Variants in PTPRN2 observed in about 807,000 individuals in gnomAD.
PTPRN2 encodes receptor-type tyrosine-protein phosphatase N2.
In PTPRN2, 74 loss-of-function variants were observed where a neutral mutation model predicts 118.8. The observed-to-expected ratio is 0.62, with a 90% CI of 0.52 to 0.76. PTPRN2 has a LOEUF of 0.76. PTPRN2 is among the 30% of genes least tolerant of loss of function. PTPRN2 has a pLI of 0.00. For synonymous variants in PTPRN2, 641 were observed against 608.0 expected (o/e 1.05, Z -0.80); for missense variants, 1,481 against 1,394.4 (o/e 1.06, Z -0.99).
At position 157,874,223 on chromosome 7, in the gene PTPRN2, G is replaced by C. The variant is rs1365954984; in HGVS notation, c.1788+24450C>G. Among the ~76,000 whole-genome samples, 2 of 152,100 alleles carry C rather than the reference G, an allele frequency of 1.3e-5. No individual in the cohort carries two copies. The highest frequency in any genetic ancestry group is 2.9e-5 in the Non-Finnish European group (2 of 68,008). Reference sequence around the variant, plus strand: ...CCCTCTGTTTCCCCCTCCACAACTGGGCAGGCTGCTCCCTTCACCCCAACA... The same window carrying C: ...CCCTCTGTTTCCCCCTCCACAACTGCGCAGGCTGCTCCCTTCACCCCAACA... On this transcript the variant is annotated intron_variant, in intron 12 of 22. Coordinates refer to ENST00000389418, the MANE Select transcript of PTPRN2 (RefSeq NM_002847.5). The surrounding 1 kb of genome is among the most constrained non-coding windows in gnomAD (Gnocchi z 5.8).
At chr7:158,157,666 C>T (rs1485068044) in intron 6 of PTPRN2, among the ~76,000 whole-genome samples, 2 of 152,222 alleles carry the variant, frequency 1.3e-5, no homozygotes, top group Non-Finnish European at 2.9e-5. Context: ...GGCGCATCCA[C>T]GTCAGGGTTG....
chr7:158,389,118 T>C (rs1586546927), intron 2 of PTPRN2, among the ~76,000 whole-genome samples: 1 of 152,180 alleles, frequency 6.6e-6, no homozygotes, highest in East Asian at 1.9e-4. Flanking sequence ...GAAGAGAAGC[T>C]GAAGGGAAAC....
In PTPRN2 at chr7:157,540,512, C is replaced by G. The variant is rs1348426919; in HGVS notation, c.*202G>C. ...TGAACCGATTCCCCTCCACCCGTAA[C>G]TGGATTTTTCCACAAATCTCTCTTT... On this transcript the variant is annotated 3_prime_UTR_variant, in exon 23 of 23. Coordinates refer to ENST00000389418, the MANE Select transcript of PTPRN2 (RefSeq NM_002847.5). 3 of 431,326 alleles carry G rather than the reference C, an allele frequency of 7.0e-6. No individual in the cohort carries two copies. Among genetic ancestry groups the G allele is most frequent in the African/African-American group, 6.1e-5 (3 of 48,948 alleles). The allele number at this position is 431,326 out of a possible 1,614,324, so 26.7% of individuals were successfully genotyped here.
chr7:158,236,065 C>T (rs1045566872), intron 3 of PTPRN2, among the ~76,000 whole-genome samples: 66 of 152,058 alleles, frequency 4.3e-4, no homozygotes, highest in East Asian at 1.4e-3. Context: ...CCCCCAAGGA[C>T]GACAGTGCAG....
At chr7:158,054,426 G>A (rs749281643) in intron 11 of PTPRN2, among the ~76,000 whole-genome samples, 1 of 152,250 alleles carries the variant, frequency 6.6e-6, no homozygotes, top group African/African-American at 2.4e-5. Flanking sequence ...ATGGGGGACA[G>A]AGCAAGAGAG....
intron 1 of PTPRN2, among the ~76,000 whole-genome samples, chr7:158,551,504 C>T (rs1826650635): frequency 6.7e-6 from 1 of 148,906 alleles, no homozygotes; most frequent in South Asian, 2.2e-4. Flanking sequence ...GGGGCCCCAG[C>T]TCCTAACCCA....
intron 12 of PTPRN2, among the ~76,000 whole-genome samples, chr7:157,822,733 C>A (rs1156393730): frequency 6.6e-6 from 1 of 151,948 alleles, no homozygotes; most frequent in Admixed American, 6.6e-5. Context: ...TATCCATCTA[C>A]CCATCCACAT....
At chr7:157,995,204 A>G (rs1211971883) in intron 11 of PTPRN2, among the ~76,000 whole-genome samples, 5 of 149,914 alleles carry the variant, frequency 3.3e-5, no homozygotes, top group Admixed American at 2.7e-4. Context: ...TCTAAAATCA[A>G]CGCTGTGTCC....
At position 158,315,677 on chromosome 7, in the gene PTPRN2, G is replaced by A. The variant is rs1403865141; in HGVS notation, c.277+1142C>T. On this transcript the variant is annotated intron_variant, in intron 3 of 22. Transcript: ENST00000389418. ...GTGATTACTTATGAATTAATGGGCT[G>A]TGGCCAGTGGTTTGGCTGGAGGGCC... Among the ~76,000 whole-genome samples the A allele has an allele frequency of 4.6e-5, 7 of 152,260 alleles. No homozygotes were observed. The East Asian group carries it at 1.2e-3, about 25-fold the overall frequency.
chr7:158,277,990 C>A (rs890953947), intron 3 of PTPRN2, among the ~76,000 whole-genome samples: 2 of 152,194 alleles, frequency 1.3e-5, no homozygotes, highest in Non-Finnish European at 2.9e-5. Context: ...ACCTCCCTGA[C>A]CTCCAGCACA....
intron 11 of PTPRN2, among the ~76,000 whole-genome samples, chr7:157,981,778 T>C (rs1446777717): frequency 6.6e-6 from 1 of 152,280 alleles, no homozygotes; most frequent in Admixed American, 6.5e-5. Context: ...GCACAAGCTA[T>C]GATGTGAAGG....
At chr7:158,511,875 T>C (rs889499191) in intron 1 of PTPRN2, among the ~76,000 whole-genome samples, 1 of 152,174 alleles carries the variant, frequency 6.6e-6, no homozygotes, top group Non-Finnish European at 1.5e-5. Context: ...AGATCAGTGG[T>C]TGTCAAGGAT....
chr7:158,475,871 T>C (rs1417445014), intron 2 of PTPRN2, among the ~76,000 whole-genome samples: 1 of 152,194 alleles, frequency 6.6e-6, no homozygotes. Flanking sequence ...ATATTAGAAC[T>C]TCATTGTGCA....
At chr7:158,270,127 A>C (rs1798211999) in intron 3 of PTPRN2, among the ~76,000 whole-genome samples, 2 of 152,226 alleles carry the variant, frequency 1.3e-5, no homozygotes, top group African/African-American at 4.8e-5. Flanking sequence ...GAGCTGGACC[A>C]TCAGGAGACC....
chr7:157,945,048 C>G (rs1029920631), intron 11 of PTPRN2, among the ~76,000 whole-genome samples: 1 of 152,172 alleles, frequency 6.6e-6, no homozygotes, highest in Non-Finnish European at 1.5e-5. Flanking sequence ...TTTTCCTGCT[C>G]TCACCGAGTC....
At chr7:158,513,761 CA>C (rs1823343504) in intron 1 of PTPRN2, among the ~76,000 whole-genome samples, 1 of 152,198 alleles carries the variant, frequency 6.6e-6, no homozygotes, top group Non-Finnish European at 1.5e-5. Context: ...ATAGAAAAGG[CA>C]GCCCCGAAAC....
chr7:158,410,682 C>T (rs1321424128), intron 2 of PTPRN2, among the ~76,000 whole-genome samples: 1 of 152,202 alleles, frequency 6.6e-6, no homozygotes, highest in Non-Finnish European at 1.5e-5. Flanking sequence ...AATGTAACTA[C>T]GTGGAAACAG....
At chr7:158,448,429 A>G (rs1003166034) in intron 2 of PTPRN2, among the ~76,000 whole-genome samples, 17 of 152,002 alleles carry the variant, frequency 1.1e-4, no homozygotes, top group African/African-American at 3.6e-4. Flanking sequence ...CACTGCTTTC[A>G]TCAGGCCAGA....
chr7:157,679,701 C>T (rs979279885), intron 13 of PTPRN2, among the ~76,000 whole-genome samples: 4 of 151,266 alleles, frequency 2.6e-5, no homozygotes, highest in African/African-American at 9.8e-5. Flanking sequence ...GACTCACACA[C>T]ACAGGGGTCG....
Sources: gnomAD v4.1 joint callset for allele counts (sites outside exome capture counted in the v4.1 genomes callset) on GRCh38, gnomAD v4.1.1 for gene constraint, Gnocchi (gnomAD v3.1) non-coding constraint, MANE v1.5 for transcripts, NCBI Gene and HGNC (gene_info 2026-07-23, HGNC 2026-07-21) for gene names.